Variants in TNKS1BP1 observed in about 807,000 individuals in gnomAD.
TNKS1BP1 encodes the protein CCR4-NOT transcription complex subunit 12.
In TNKS1BP1, 48 loss-of-function variants were observed where a neutral mutation model predicts 141.1. That is an observed-to-expected ratio of 0.34 (90% CI 0.27 to 0.43). The LOEUF (loss-of-function observed/expected upper bound fraction) is 0.43. Among genes scored for constraint, TNKS1BP1 ranks in the 20% least tolerant of loss-of-function variants. TNKS1BP1 has a pLI of 1.00. For missense variants in TNKS1BP1, 2,149 were observed against 2,226.0 expected (o/e 0.97, Z 0.70); for synonymous variants, 875 against 898.2 (o/e 0.97, Z 0.46).
chr11:57,316,653 A>G (rs544886759), intron 4 of TNKS1BP1, among the ~76,000 whole-genome samples: 2 of 152,190 alleles, frequency 1.3e-5, no homozygotes, highest in East Asian at 3.9e-4. Context: ...ATGCCTTCAA[A>G]TTCTATCCAG....
chr11:57,301,183 A>C (rs967099696), intron 9 of TNKS1BP1, 142 bp from the exon 10 acceptor site: 2 of 903,000 alleles, frequency 2.2e-6, no homozygotes, highest in Non-Finnish European at 3.2e-6. Context: ...AAAGGATGGG[A>C]AGTCACTTAG....
intron 5 of TNKS1BP1, among the ~76,000 whole-genome samples, chr11:57,311,788 C>T (rs1339412898): frequency 3.9e-5 from 6 of 152,258 alleles, no homozygotes; most frequent in Admixed American, 2.6e-4. Flanking sequence ...GGCGCTGGCC[C>T]GGGCCCAGCC....
chr11:57,311,546 G>A (rs1855712407), intron 5 of TNKS1BP1: 1 of 822,212 alleles, frequency 1.2e-6, no homozygotes, highest in Admixed American at 6.2e-5. Flanking sequence ...AGCCAGTTGA[G>A]TCACCCACAT....
At chr11:57,300,664 C>A (rs1050698014) in intron 10 of TNKS1BP1, 64 bp from the exon 11 acceptor site, 2 of 1,604,364 alleles carry the variant, frequency 1.2e-6, no homozygotes, top group East Asian at 4.5e-5. Flanking sequence ...AACAAGGAGA[C>A]GTGATAGGGA....
chr11:57,312,588 C>T lies in TNKS1BP1; in HGVS notation c.2100G>A (p.Arg700=). Residue 700 remains arginine, a synonymous_variant, in exon 5 of 12, where the codon AGG becomes AGA. Transcript: ENST00000358252. ...CCTTCAGCTCAGCTCCAGCTCCCCG[C>T]CTTGCACCGCCACCACTGGGTGGTG... ...ASPPPSGGGA[R]RGAGAELKDT... 2 of 1,522,010 alleles carry T rather than the reference C, an allele frequency of 1.3e-6. No individual in the cohort carries two copies. Among genetic ancestry groups the T allele is most frequent in the Non-Finnish European group, 1.8e-6 (2 of 1,136,698 alleles). The allele number at this position is 1,522,010 out of a possible 1,614,324, so 94.3% of individuals were successfully genotyped here.
chr11:57,312,495 T>C, intron 5 of TNKS1BP1, 39 bp downstream of exon 5: 2 of 1,420,020 alleles, frequency 1.4e-6, no homozygotes, highest in Non-Finnish European at 1.8e-6. Context: ...CCCTGGCCTC[T>C]GTCCCCAGAA....
rs757551794 is a variant in TNKS1BP1 at position 57,302,063 on chromosome 11, A to G, written c.4834+11T>C. 52 of 1,609,026 alleles carry G rather than the reference A, an allele frequency of 3.2e-5. No homozygotes were observed. The Admixed American group carries it at 8.5e-4, about 26-fold the overall frequency. ...ATCAAGAGACATCACCAAATAATACATCAGCCCTACCTGTAGAGTCCTGGA... is the reference window on the plus strand; with the variant it reads ...ATCAAGAGACATCACCAAATAATACGTCAGCCCTACCTGTAGAGTCCTGGA... On this transcript the variant is annotated intron_variant, in intron 8 of 11. Transcript: ENST00000358252. This position sits in a 1 kb window ranked among gnomAD's most constrained non-coding sequence, Gnocchi z 5.5.
rs1280254144 is a variant in TNKS1BP1, at chr11:57,312,758, G to C, written c.1930C>G (p.Leu644Val). The change falls in exon 5 of 12, where the codon CTG (leucine) becomes GTG (valine). Residue 644 changes from leucine to valine, a missense_variant. Leu to Val is a conservative substitution (Grantham distance 32, BLOSUM62 1). Transcript: ENST00000358252. ...GTCACGGCCTCCTCCTCAACAGGCA[G>C]TGCCTGTCCAGGCTCAGGGGCATCA... is the stretch of plus-strand genomic sequence containing the variant. ...FADAPEPGQA[L>V]PVEEEAVTLA... is the part of the protein sequence containing the mutation. 6.2e-7 allele frequency: 1 copy of C among 1,600,134 alleles called. No homozygotes were observed. Among genetic ancestry groups the C allele is most frequent in the African/African-American group, 1.3e-5 (1 of 74,822 alleles).
chr11:57,320,510 A>G lies in TNKS1BP1; in HGVS notation c.297T>C (p.Phe99=), dbSNP rs1438992126. ...AGGCCTCAACCGCAGGCCTTGGTGC[A>G]AAGGGAAGGGGGCGCTTGCTGCCAC... The part of the protein sequence containing the change: ...PYGGSKRPLP[F]APRPAVEAST... The change falls in exon 3 of 12, where the codon TTT becomes TTC. Residue 99 remains phenylalanine (F), a synonymous_variant. Transcript: ENST00000358252. 23 of 1,612,406 alleles carry G rather than the reference A, an allele frequency of 1.4e-5. No homozygotes were observed. The highest frequency in any genetic ancestry group is 1.9e-5 in the Non-Finnish European group (22 of 1,178,864).
chr11:57,319,846 C>T (rs1855854826), intron 3 of TNKS1BP1, among the ~76,000 whole-genome samples: 1 of 151,686 alleles, frequency 6.6e-6, no homozygotes, highest in Non-Finnish European at 1.5e-5. Flanking sequence ...AAACCTGCAT[C>T]AACTCTGTAA....
chr11:57,313,121 C>T lies in TNKS1BP1; in HGVS notation c.1567G>A (p.Gly523Arg). The T allele has an allele frequency of 5.6e-6, 9 of 1,613,252 alleles. No individual in the cohort carries two copies. The highest frequency in any genetic ancestry group is 7.6e-6 in the Non-Finnish European group (9 of 1,180,002). Residue 523 changes from glycine (G) to arginine (R), a missense_variant, in exon 5 of 12, where the codon GGA becomes AGA. Coordinates refer to ENST00000358252, the MANE Select transcript of TNKS1BP1 (RefSeq NM_033396.3). ...GNLAVSSREE[G>R]VSQQGQGAGS... ...GCCCCTTGCCCCTGCTGAGACACTC[C>T]TTCTTCCCTGCTGGAAACGGCCAAG...
intron 6 of TNKS1BP1, 71 bp downstream of exon 6, chr11:57,308,324 G>A (rs1855643868): frequency 5.9e-6 from 9 of 1,523,182 alleles, no homozygotes; most frequent in Non-Finnish European, 7.9e-6. Flanking sequence ...TCCCTCCTCA[G>A]AAAGGTTCCG....
Position 57,312,849 on chromosome 11 carries a change from G to C in TNKS1BP1, c.1839C>G (p.Pro613=), listed in dbSNP as rs764157797. The part of the protein sequence containing the change: ...LPLATREAAL[P]ILEPVLGQEQ... ...CCTGCCCCAGGACTGGCTCCAGGAT[G>C]GGCAAGGCTGCCTCCCTGGTAGCCA... The change falls in exon 5 of 12, where the codon CCC becomes CCG. Residue 613 remains proline, a synonymous_variant. Coordinates refer to ENST00000358252, the MANE Select transcript of TNKS1BP1 (RefSeq NM_033396.3). The C allele has an allele frequency of 1.9e-6, 3 of 1,610,400 alleles. No homozygotes were observed. Among genetic ancestry groups the C allele is most frequent in the Non-Finnish European group, 2.5e-6 (3 of 1,178,006 alleles).
intron 6 of TNKS1BP1, 83 bp downstream of exon 6, chr11:57,308,312 C>T (rs1855643722): frequency 6.6e-7 from 1 of 1,504,874 alleles, no homozygotes; most frequent in Non-Finnish European, 8.9e-7. Context: ...AAAACTGTTT[C>T]TTCCCTCCTC....
intron 1 of TNKS1BP1, among the ~76,000 whole-genome samples, chr11:57,322,755 G>C (rs1417339675): frequency 6.6e-6 from 1 of 152,136 alleles, no homozygotes; most frequent in Non-Finnish European, 1.5e-5. Flanking sequence ...GAACATCCGG[G>C]GGGTGGAGTG....
At chr11:57,317,998 C>A in intron 3 of TNKS1BP1, 111 bp from the exon 4 acceptor site, 1 of 953,952 alleles carries the variant, frequency 1.0e-6, no homozygotes, top group African/African-American at 1.6e-5. Flanking sequence ...AAAGGTTAAA[C>A]CCTCCTAGCC....
At chr11:57,322,291 G>C in intron 1 of TNKS1BP1, 1 of 1,019,420 alleles carries the variant, frequency 9.8e-7, no homozygotes, top group Non-Finnish European at 1.2e-6. Context: ...TCTACTCAAA[G>C]CAGAGCTAGA....
At chr11:57,312,380 G>C (rs930138665) in intron 5 of TNKS1BP1, among the ~76,000 whole-genome samples, 154 bp downstream of exon 5, 2 of 152,148 alleles carry the variant, frequency 1.3e-5, no homozygotes, top group Non-Finnish European at 1.5e-5. Context: ...GTCCTGTGTG[G>C]CTCTGCAGAG....
chr11:57,312,359 A>C (rs565596855), intron 5 of TNKS1BP1, among the ~76,000 whole-genome samples, 175 bp downstream of exon 5: 1 of 150,858 alleles, frequency 6.6e-6, no homozygotes, highest in Admixed American at 6.6e-5. Context: ...ACGAAACCCC[A>C]CACACACACC....
Sources: gnomAD v4.1 joint callset for allele counts (sites outside exome capture counted in the v4.1 genomes callset) on GRCh38, gnomAD v4.1.1 for gene constraint, Gnocchi (gnomAD v3.1) non-coding constraint, MANE v1.5 for transcripts, NCBI Gene and HGNC (gene_info 2026-07-23, HGNC 2026-07-21) for gene names.